The following PPHLN1 variants were observed in gnomAD, a reference collection of about 807,000 sequenced individuals.
PPHLN1 encodes periphilin-1.
PPHLN1 carries 29 observed loss-of-function variants against 51.3 expected under a neutral mutation model. The observed-to-expected ratio is 0.57, with a 90% CI of 0.42 to 0.77. The LOEUF (loss-of-function observed/expected upper bound fraction) is 0.77. PPHLN1 is among the 30% of genes least tolerant of loss of function. The probability of loss-of-function intolerance (pLI) is 0.00; values close to 1 mark genes in which losing one functional copy is unlikely to be tolerated. For missense variants in PPHLN1, 436 were observed against 438.4 expected (o/e 0.99, Z 0.05); for synonymous variants, 147 against 147.8 (o/e 0.99, Z 0.04).
At chr12:42,367,629 C>T (rs990072686) in intron 4 of PPHLN1, among the ~76,000 whole-genome samples, 1 of 152,084 alleles carries the variant, frequency 6.6e-6, no homozygotes, top group African/African-American at 2.4e-5. Flanking sequence ...TTTCGTCTAT[C>T]TTCCATTGAA....
intron 9 of PPHLN1, among the ~76,000 whole-genome samples, chr12:42,409,749 A>G (rs909594091): frequency 6.6e-6 from 1 of 152,086 alleles, no homozygotes; most frequent in African/African-American, 2.4e-5. Context: ...TTGCTGTTAA[A>G]GAGACTGTAC....
chr12:42,384,783 G>A (rs2077052741), intron 5 of PPHLN1, among the ~76,000 whole-genome samples, 157 bp from the exon 6 acceptor site: 1 of 152,100 alleles, frequency 6.6e-6, no homozygotes, highest in African/African-American at 2.4e-5. Flanking sequence ...TGATTGCTCA[G>A]GCAGCCCAAC....
At chr12:42,384,838 C>A in intron 5 of PPHLN1, 102 bp from the exon 6 acceptor site, 2 of 1,126,282 alleles carry the variant, frequency 1.8e-6, no homozygotes, top group Non-Finnish European at 2.6e-6. Flanking sequence ...AGAAAATGCT[C>A]AGAAGCCCCT....
At chr12:42,328,647 G>T (rs1269025872) in intron 1 of PPHLN1, among the ~76,000 whole-genome samples, 2 of 152,212 alleles carry the variant, frequency 1.3e-5, no homozygotes, top group Non-Finnish European at 2.9e-5. Context: ...GCTTATAAAA[G>T]AAGTATCCTT....
chr12:42,335,517 G>T (rs2070467789), intron 1 of PPHLN1, among the ~76,000 whole-genome samples: 1 of 152,036 alleles, frequency 6.6e-6, no homozygotes, highest in Admixed American at 6.6e-5. Flanking sequence ...TTGCCGATCA[G>T]CCATTTAAAC....
At chr12:42,389,381 A>G (rs1212755851) in intron 7 of PPHLN1, among the ~76,000 whole-genome samples, 1 of 130,198 alleles carries the variant, frequency 7.7e-6, no homozygotes, top group Non-Finnish European at 1.7e-5. Flanking sequence ...CAAAACAAAA[A>G]CAAAAATAAA....
At chr12:42,375,260 A>G (rs1314095072) in intron 5 of PPHLN1, 186 bp downstream of exon 5, 4 of 408,170 alleles carry the variant, frequency 9.8e-6, no homozygotes, top group East Asian at 4.0e-5. Flanking sequence ...TTTTCAAACT[A>G]TTTGAAGTGG....
rs2082994804 is a variant in PPHLN1, at chr12:42,441,855, A to G, written c.*346A>G. ...ACCATCTGAAAATGTTAGAATTCTG[A>G]GTTGTGATTTTATTGACTTGTTGCT... On this transcript the variant is annotated 3_prime_UTR_variant, in exon 10 of 10. Transcript: ENST00000358314. The G allele has an allele frequency of 5.9e-6, 6 of 1,015,694 alleles. No homozygotes were observed. Among genetic ancestry groups the G allele is most frequent in the Non-Finnish European group, 7.1e-6 (6 of 850,698 alleles). The allele number at this position is 1,015,694 out of a possible 1,614,324, so 62.9% of individuals were successfully genotyped here.
At chr12:42,433,612 G>A (rs949730434) in intron 9 of PPHLN1, among the ~76,000 whole-genome samples, 13 of 152,176 alleles carry the variant, frequency 8.5e-5, no homozygotes, top group Non-Finnish European at 1.0e-4. Flanking sequence ...GTGAGCCACC[G>A]CACCCGGCCC....
At chr12:42,400,422 C>G (rs988818099) in intron 9 of PPHLN1, 3 of 148,854 alleles carry the variant, frequency 2.0e-5, no homozygotes, top group Non-Finnish European at 4.5e-5. Flanking sequence ...GAGCCGAGAT[C>G]CCGCCACTGC....
chr12:42,354,448 G>A (rs2073805663), intron 3 of PPHLN1, among the ~76,000 whole-genome samples: 2 of 152,144 alleles, frequency 1.3e-5, no homozygotes, highest in South Asian at 4.1e-4. Flanking sequence ...GAACTCAAGT[G>A]ATACACCCTC....
intron 4 of PPHLN1, among the ~76,000 whole-genome samples, chr12:42,371,268 T>C (rs964435211): frequency 6.6e-6 from 1 of 151,848 alleles, no homozygotes; most frequent in African/African-American, 2.4e-5. Flanking sequence ...TACCAGTGGG[T>C]GCCACCTCGC....
intron 4 of PPHLN1, among the ~76,000 whole-genome samples, chr12:42,370,692 T>C (rs1390368803): frequency 6.6e-6 from 1 of 152,198 alleles, no homozygotes; most frequent in East Asian, 1.9e-4. Flanking sequence ...CCTTCCCATC[T>C]TCCCTCCTTC....
chr12:42,414,672 C>CT (rs926267116), intron 9 of PPHLN1, among the ~76,000 whole-genome samples: 5 of 152,116 alleles, frequency 3.3e-5, no homozygotes, highest in African/African-American at 1.2e-4. Context: ...ATCTGGGAGT[C>CT]TTTTGGAGGA....
At chr12:42,437,339 A>C (rs1031286341) in intron 9 of PPHLN1, among the ~76,000 whole-genome samples, 2 of 152,166 alleles carry the variant, frequency 1.3e-5, no homozygotes, top group African/African-American at 4.8e-5. Context: ...TTCCATCATC[A>C]TCACTATAGC....
intron 9 of PPHLN1, among the ~76,000 whole-genome samples, chr12:42,425,507 C>T (rs886709085): frequency 6.6e-6 from 1 of 152,058 alleles, no homozygotes; most frequent in African/African-American, 2.4e-5. Context: ...CTCCCTCAGC[C>T]TCCTGAGTAG....
chr12:42,422,068 G>C (rs1374971644), intron 9 of PPHLN1, among the ~76,000 whole-genome samples: 1 of 152,130 alleles, frequency 6.6e-6, no homozygotes, highest in Non-Finnish European at 1.5e-5. Context: ...AGAAGTAAGA[G>C]TGCACAGGGT....
chr12:42,438,549 A>C (rs576952832), intron 9 of PPHLN1, among the ~76,000 whole-genome samples: 1 of 152,106 alleles, frequency 6.6e-6, no homozygotes, highest in African/African-American at 2.4e-5. Flanking sequence ...GGTGTCATTC[A>C]GTTTTTTGCC....
rs546871175 is a variant in PPHLN1, at chr12:42,361,700, A to T, written c.299+6478A>T. 6 of 152,316 alleles carry T rather than the reference A, an allele frequency of 3.9e-5. No homozygotes were observed. In the South Asian group the frequency reaches 6.2e-4, roughly 16 times the overall value. The allele number at this position is 152,316 out of a possible 1,614,324, so 9.4% of individuals were successfully genotyped here. ...TAACATAATAAAGTATGCCATTTAC[A>T]CAATTTTTATGTACACAATTCATGA... On this transcript the variant is annotated intron_variant, in intron 4 of 9. Coordinates refer to ENST00000358314, the MANE Select transcript of PPHLN1 (RefSeq NM_201439.2).
Sources: gnomAD v4.1 joint callset for allele counts (sites outside exome capture counted in the v4.1 genomes callset) on GRCh38, gnomAD v4.1.1 for gene constraint, MANE v1.5 for transcripts, NCBI Gene and HGNC (gene_info 2026-07-23, HGNC 2026-07-21) for gene names.